RERE: variants seen among roughly 807,000 people sequenced by gnomAD.
RERE encodes the protein arginine-glutamic acid dipeptide repeats.
In RERE, 40 loss-of-function variants were observed where a neutral mutation model predicts 146.1. That is an observed-to-expected ratio of 0.27 (90% CI 0.21 to 0.36). RERE has a LOEUF of 0.36. Among genes scored for constraint, RERE ranks in the 10% least tolerant of loss-of-function variants. The probability of loss-of-function intolerance (pLI) is 1.00; values close to 1 mark genes in which losing one functional copy is unlikely to be tolerated. For missense variants in RERE, 1,933 were observed against 2,138.7 expected (o/e 0.90, Z 1.90); for synonymous variants, 1,003 against 866.0 (o/e 1.16, Z -2.78).
At chr1:8,444,624 G>A (rs1167616917) in intron 11 of RERE, among the ~76,000 whole-genome samples, 1 of 152,172 alleles carries the variant, frequency 6.6e-6, no homozygotes, top group Non-Finnish European at 1.5e-5. Context: ...GTCGGAGATG[G>A]GGCCTGGTGG....
chr1:8,604,622 G>GGGAGGA (rs1646677707), intron 4 of RERE, among the ~76,000 whole-genome samples: 1 of 46,466 alleles, frequency 2.2e-5, no homozygotes, highest in Non-Finnish European at 4.2e-5. Context: ...GGGAGGGAGG[G>GGGAGGA]AGGAAGGAAG....
intron 1 of RERE, among the ~76,000 whole-genome samples, chr1:8,794,840 A>C (rs2124581087): frequency 6.6e-6 from 1 of 152,092 alleles, no homozygotes; most frequent in African/African-American, 2.4e-5. Flanking sequence ...CTGAGGTGAG[A>C]GGATGGCTGT....
chr1:8,359,825 TTCTCCCGC>T lies in RERE; in HGVS notation c.3549_3556del (p.Arg1184GlyfsTer21). On this transcript the variant is annotated frameshift_variant, in exon 19 of 23. Transcript: ENST00000400908. LOFTEE classifies it high-confidence loss of function. Reference sequence around the variant, plus strand: ...CCGCTCCCGCTCCTTCTCCTTCTCCTTCTCCCGCTCTCGCTCCTCTCGGGCTTTCTGCT... The same window carrying T: ...CCGCTCCCGCTCCTTCTCCTTCTCCTTCTCGCTCCTCTCGGGCTTTCTGCT... 1 of 1,607,882 alleles carries T rather than the reference TTCTCCCGC, an allele frequency of 6.2e-7. No individual in the cohort carries two copies.
At chr1:8,463,044 G>C (rs532648309) in intron 11 of RERE, among the ~76,000 whole-genome samples, 9 of 152,312 alleles carry the variant, frequency 5.9e-5, no homozygotes, top group Middle Eastern at 3.4e-3. Flanking sequence ...AAATTTAACA[G>C]AAGGGGGCCA....
intron 12 of RERE, among the ~76,000 whole-genome samples, chr1:8,377,742 T>C (rs1642306490): frequency 1.3e-5 from 2 of 152,152 alleles, no homozygotes; most frequent in African/African-American, 2.4e-5. Context: ...TTATAAAATA[T>C]ACATCGGCAA....
At chr1:8,452,717 C>T (rs1265825827) in intron 11 of RERE, among the ~76,000 whole-genome samples, 1 of 152,166 alleles carries the variant, frequency 6.6e-6, no homozygotes, top group African/African-American at 2.4e-5. Context: ...GGAATGGAAA[C>T]GCAGTAGAAT....
At chr1:8,690,967 G>A (rs528007037) in intron 1 of RERE, among the ~76,000 whole-genome samples, 8 of 151,882 alleles carry the variant, frequency 5.3e-5, no homozygotes, top group East Asian at 1.9e-4. Flanking sequence ...GTGCAATCTC[G>A]GCTTATTGCA....
chr1:8,650,905 T>A (rs562470848), intron 2 of RERE, among the ~76,000 whole-genome samples: 28 of 119,252 alleles, frequency 2.3e-4, no homozygotes, highest in Admixed American at 9.3e-4. Flanking sequence ...CAAAAAAAAA[T>A]AAAAATTAAA....
chr1:8,720,025 G>A (rs1639830952), intron 1 of RERE, among the ~76,000 whole-genome samples: 1 of 151,990 alleles, frequency 6.6e-6, no homozygotes, highest in Non-Finnish European at 1.5e-5. Context: ...GATGCTTTGG[G>A]GCGGCTGAGG....
chr1:8,475,540 G>A (rs907926287), intron 10 of RERE, among the ~76,000 whole-genome samples: 6 of 151,522 alleles, frequency 4.0e-5, no homozygotes, highest in African/African-American at 1.5e-4. Context: ...AAATTAGCCG[G>A]GCATGGTAGT....
At chr1:8,767,130 A>G (rs1640864070) in intron 1 of RERE, among the ~76,000 whole-genome samples, 1 of 152,238 alleles carries the variant, frequency 6.6e-6, no homozygotes, top group African/African-American at 2.4e-5. Flanking sequence ...TCTACACCAG[A>G]AACTGTAAGT....
chr1:8,506,720 G>C (rs535353024), intron 8 of RERE, among the ~76,000 whole-genome samples: 2 of 152,276 alleles, frequency 1.3e-5, no homozygotes, highest in Non-Finnish European at 2.9e-5. Flanking sequence ...GGGTCTACTG[G>C]GGACCTGCTG....
At chr1:8,783,459 T>C (rs148859404) in intron 1 of RERE, among the ~76,000 whole-genome samples, 4 of 152,314 alleles carry the variant, frequency 2.6e-5, no homozygotes, top group Non-Finnish European at 5.9e-5. Context: ...CATGAATTAT[T>C]ATCATGATAG....
intron 1 of RERE, among the ~76,000 whole-genome samples, chr1:8,760,237 G>A (rs1318313729): frequency 6.6e-6 from 1 of 152,200 alleles, no homozygotes; most frequent in Non-Finnish European, 1.5e-5. Flanking sequence ...ATGTTGGCCA[G>A]ACTGGTCTTG....
intron 6 of RERE, among the ~76,000 whole-genome samples, chr1:8,546,314 A>T (rs1645861834): frequency 2.0e-5 from 3 of 150,112 alleles, no homozygotes; most frequent in Admixed American, 6.6e-5. Flanking sequence ...AATAAATAAA[A>T]ATATATATAT....
At chr1:8,788,681 T>TA (rs1641304823) in intron 1 of RERE, among the ~76,000 whole-genome samples, 3 of 151,214 alleles carry the variant, frequency 2.0e-5, no homozygotes, top group South Asian at 4.2e-4. Context: ...TTTTTTTTTT[T>TA]AAGAAGCTGT....
intron 1 of RERE, among the ~76,000 whole-genome samples, chr1:8,816,436 AG>A (rs1300343470): frequency 2.0e-5 from 3 of 152,238 alleles, no homozygotes; most frequent in African/African-American, 7.2e-5. Context: ...AAAGAGACAG[AG>A]GAAAATGACA....
chr1:8,744,632 T>C (rs543354965), intron 1 of RERE, among the ~76,000 whole-genome samples: 1 of 152,124 alleles, frequency 6.6e-6, no homozygotes, highest in South Asian at 2.1e-4. Flanking sequence ...CATAATATGG[T>C]CTAAAAGAGA....
intron 1 of RERE, among the ~76,000 whole-genome samples, chr1:8,767,713 G>C (rs1640874662): frequency 6.6e-6 from 1 of 151,960 alleles, no homozygotes; most frequent in Admixed American, 6.6e-5. Flanking sequence ...TGTAATCCCA[G>C]CACTTTGGGA....
Sources: gnomAD v4.1 joint callset for allele counts (sites outside exome capture counted in the v4.1 genomes callset) on GRCh38, gnomAD v4.1.1 for gene constraint, MANE v1.5 for transcripts, NCBI Gene and HGNC (gene_info 2026-07-23, HGNC 2026-07-21) for gene names.